Variants in TLL1 observed in about 807,000 individuals in gnomAD.
TLL1 encodes tolloid-like protein 1.
A neutral mutation model predicts 128.2 loss-of-function variants in TLL1; 49 were observed. That is an observed-to-expected ratio of 0.38 (90% CI 0.30 to 0.48). The LOEUF (loss-of-function observed/expected upper bound fraction) is 0.48. Among genes scored for constraint, TLL1 ranks in the 20% least tolerant of loss-of-function variants. The pLI is 0.96. For synonymous variants in TLL1, 454 were observed against 418.8 expected (o/e 1.08, Z -1.03); for missense variants, 1,123 against 1,242.0 (o/e 0.90, Z 1.44).
At chr4:166,016,980 T>TA (rs895384755) in intron 8 of TLL1, among the ~76,000 whole-genome samples, 8 of 151,974 alleles carry the variant, frequency 5.3e-5, no homozygotes, top group Non-Finnish European at 7.4e-5. Flanking sequence ...GCAGGCTTGT[T>TA]ACGTGGGAAT....
At chr4:166,052,585 G>A (rs1199899693) in intron 12 of TLL1, among the ~76,000 whole-genome samples, 5 of 152,106 alleles carry the variant, frequency 3.3e-5, no homozygotes, top group African/African-American at 7.2e-5. Context: ...GTGAGCCACC[G>A]TGCCTGGTCA....
At chr4:166,032,496 G>C (rs961738195) in intron 9 of TLL1, among the ~76,000 whole-genome samples, 1 of 152,124 alleles carries the variant, frequency 6.6e-6, no homozygotes, top group South Asian at 2.1e-4. Context: ...CTGTATCAAT[G>C]GACAAACTAA....
intron 12 of TLL1, chr4:166,044,493 AG>A: frequency 7.3e-7 from 1 of 1,368,896 alleles, no homozygotes; most frequent in Non-Finnish European, 1.0e-6. Flanking sequence ...TTAACTTCCC[AG>A]ATGTATTTCC....
chr4:165,923,492 G>A (rs1227351176), intron 1 of TLL1, among the ~76,000 whole-genome samples: 1 of 128,820 alleles, frequency 7.8e-6, no homozygotes, highest in Non-Finnish European at 1.6e-5. Flanking sequence ...GCAGTGGTAC[G>A]ATCTCGGCTC....
chr4:165,963,054 C>CAA (rs869191830), intron 1 of TLL1, among the ~76,000 whole-genome samples: 1,001 of 18,288 alleles, frequency 0.055, 192 homozygotes, highest in African/African-American at 0.13. Flanking sequence ...GGCTCTGTCT[C>CAA]AAAAAAAAAA....
At chr4:165,903,292 C>T (rs377133918) in intron 1 of TLL1, among the ~76,000 whole-genome samples, 2 of 151,930 alleles carry the variant, frequency 1.3e-5, no homozygotes, top group East Asian at 2.0e-4. Context: ...GAGCCGAGAT[C>T]GTGCCATTGC....
At chr4:166,034,605 A>G (rs1385606580) in intron 9 of TLL1, among the ~76,000 whole-genome samples, 2 of 152,180 alleles carry the variant, frequency 1.3e-5, no homozygotes, top group African/African-American at 4.8e-5. Flanking sequence ...AAACTATTAC[A>G]TTATATTCAG....
At chr4:166,023,744 A>C (rs141656511) in intron 8 of TLL1, among the ~76,000 whole-genome samples, 168 of 152,274 alleles carry the variant, frequency 1.1e-3, no homozygotes, top group East Asian at 5.2e-3. Context: ...TTTGTTTAGC[A>C]TGTATTTATC....
intron 1 of TLL1, among the ~76,000 whole-genome samples, chr4:165,903,733 T>TCACACACACA (rs5863787): frequency 0.041 from 5,908 of 144,790 alleles, 178 homozygotes; most frequent in Non-Finnish European, 0.063. Context: ...TAAGTTCTTA[T>TCACACACACA]CACACACACA....
chr4:165,997,168 T>C (rs1736922224), intron 5 of TLL1, among the ~76,000 whole-genome samples: 1 of 152,172 alleles, frequency 6.6e-6, no homozygotes, highest in Admixed American at 6.5e-5. Context: ...TTTTCTATGA[T>C]AATGCTTCAC....
chr4:165,903,547 G>T (rs1732099330), intron 1 of TLL1, among the ~76,000 whole-genome samples: 1 of 151,050 alleles, frequency 6.6e-6, no homozygotes, highest in South Asian at 2.1e-4. Context: ...TGAGTAGCTG[G>T]GACTACAGGT....
intron 14 of TLL1, 24 bp from the exon 15 acceptor site, chr4:166,060,004 C>T (rs139413362): frequency 0.021 from 33,114 of 1,612,150 alleles, 452 homozygotes; most frequent in Non-Finnish European, 0.023. Flanking sequence ...GGAGAATATA[C>T]CTTTTTCTTT....
Position 165,873,780 on chromosome 4 carries a change from C to G in TLL1, c.-125C>G, listed in dbSNP as rs1427534978. 4 of 1,071,862 alleles carry G rather than the reference C, an allele frequency of 3.7e-6. No homozygotes were observed. Among genetic ancestry groups the G allele is most frequent in the African/African-American group, 3.1e-5 (2 of 63,962 alleles). 66.4% of individuals were successfully genotyped at this position (1,071,862 alleles called of 1,614,324 possible). A position where few individuals can be genotyped will look rare whatever the true frequency, so the allele number is the denominator to read the frequency against. Reference sequence around the variant, plus strand: ...CATGTTTCCGGACACCTGAGCACCCCGGTCCCGCCGAGGAGCCTCCGGGTG... The same window carrying G: ...CATGTTTCCGGACACCTGAGCACCCGGGTCCCGCCGAGGAGCCTCCGGGTG... On this transcript the variant is annotated 5_prime_UTR_variant, in exon 1 of 21. Coordinates refer to ENST00000061240, the MANE Select transcript of TLL1 (RefSeq NM_012464.5).
At chr4:165,923,498 G>A (rs1214450920) in intron 1 of TLL1, among the ~76,000 whole-genome samples, 5 of 128,882 alleles carry the variant, frequency 3.9e-5, no homozygotes, top group South Asian at 2.7e-4. Context: ...GTACGATCTC[G>A]GCTCACTGCA....
intron 12 of TLL1, among the ~76,000 whole-genome samples, chr4:166,043,882 A>T (rs1579664804): frequency 1.3e-5 from 2 of 151,836 alleles, no homozygotes; most frequent in African/African-American, 4.8e-5. Context: ...TGTTCTTACG[A>T]GCTTTCAACC....
chr4:165,979,869 G>A (rs1736070000), intron 1 of TLL1, among the ~76,000 whole-genome samples: 1 of 152,256 alleles, frequency 6.6e-6, no homozygotes, highest in Admixed American at 6.5e-5. Flanking sequence ...ACTCCGTGGT[G>A]AATATGCTTT....
chr4:165,935,577 C>G (rs951795001), intron 1 of TLL1, among the ~76,000 whole-genome samples: 2 of 152,212 alleles, frequency 1.3e-5, no homozygotes, highest in Non-Finnish European at 2.9e-5. Flanking sequence ...AACATTTCCA[C>G]TGGCTGCAAA....
intron 1 of TLL1, among the ~76,000 whole-genome samples, chr4:165,952,510 T>C (rs1734574432): frequency 6.6e-6 from 1 of 152,098 alleles, no homozygotes; most frequent in South Asian, 2.1e-4. Flanking sequence ...TGATTTTCAG[T>C]TTATGAATTG....
Position 165,968,655 on chromosome 4 carries a change from A to G in TLL1, c.170-20726A>G, listed in dbSNP as rs61302415. ...ATCTAAGTCAATTTTACCACATTCA[A>G]TGGCCTAAAAGGGGGAGATGATGAG... On this transcript the variant is annotated intron_variant, in intron 1 of 20. Coordinates refer to ENST00000061240, the MANE Select transcript of TLL1 (RefSeq NM_012464.5). Among the ~76,000 whole-genome samples the G allele has an allele frequency of 5.2e-3, 797 of 152,296 alleles. 12 individuals carry two copies. Among genetic ancestry groups the G allele is most frequent in the African/African-American group, 0.018 (736 of 41,580 alleles).
Sources: gnomAD v4.1 joint callset for allele counts (sites outside exome capture counted in the v4.1 genomes callset) on GRCh38, gnomAD v4.1.1 for gene constraint, MANE v1.5 for transcripts, NCBI Gene and HGNC (gene_info 2026-07-23, HGNC 2026-07-21) for gene names.